Variants in ZBTB20 observed in about 807,000 individuals in gnomAD.
ZBTB20 encodes zinc finger and BTB domain containing 20, also known as zinc finger and BTB domain-containing protein 20.
ZBTB20 carries 9 observed loss-of-function variants against 56.9 expected under a neutral mutation model. The observed-to-expected ratio is 0.16, with a 90% CI of 0.10 to 0.28. The LOEUF (loss-of-function observed/expected upper bound fraction) is 0.28. Ranked by LOEUF, ZBTB20 falls within the 10% of genes least tolerant of loss-of-function variation. The probability of loss-of-function intolerance (pLI) is 1.00; values close to 1 mark genes in which losing one functional copy is unlikely to be tolerated. For missense variants in ZBTB20, 655 were observed against 1,003.0 expected (o/e 0.65, Z 4.69); for synonymous variants, 417 against 420.7 (o/e 0.99, Z 0.11).
chr3:114,417,226 T>A (rs982410092), intron 7 of ZBTB20, among the ~76,000 whole-genome samples: 4 of 152,108 alleles, frequency 2.6e-5, no homozygotes, highest in Admixed American at 2.6e-4. Context: ...TAGTTCATAA[T>A]ATGGCCTAAT....
At chr3:114,703,780 G>A (rs2063540554) in intron 5 of ZBTB20, among the ~76,000 whole-genome samples, 1 of 152,154 alleles carries the variant, frequency 6.6e-6, no homozygotes, top group African/African-American at 2.4e-5. Context: ...TTTAGCCTGA[G>A]ATATCTCCTT....
intron 3 of ZBTB20, among the ~76,000 whole-genome samples, chr3:114,944,702 A>G (rs1449617367): frequency 2.1e-5 from 3 of 145,770 alleles, no homozygotes; most frequent in Non-Finnish European, 4.4e-5. Flanking sequence ...CCTGGAAGAT[A>G]CTATGTTATG....
At chr3:114,395,935 T>C (rs538584628) in intron 7 of ZBTB20, among the ~76,000 whole-genome samples, 1 of 152,230 alleles carries the variant, frequency 6.6e-6, no homozygotes, top group East Asian at 1.9e-4. Context: ...GCCATGAGCG[T>C]TAGCATTATC....
intron 4 of ZBTB20, among the ~76,000 whole-genome samples, chr3:114,803,639 T>C (rs1244432518): frequency 6.6e-6 from 1 of 151,892 alleles, no homozygotes. Flanking sequence ...CACTATATAG[T>C]GGGGTTATCA....
intron 4 of ZBTB20, among the ~76,000 whole-genome samples, chr3:114,818,809 CTGTTTTGGAAATTATAGTCAATGAAAT>C (rs2073089073): frequency 6.6e-6 from 1 of 151,796 alleles, no homozygotes; most frequent in Non-Finnish European, 1.5e-5. Context: ...GATTACTTAA[CTGTTTTGGAAATTATAGTCAATGAAAT>C]AGGATATTAA....
intron 1 of ZBTB20, among the ~76,000 whole-genome samples, chr3:115,124,345 T>C (rs572589740): frequency 5.3e-5 from 8 of 152,298 alleles, no homozygotes; most frequent in Middle Eastern, 3.4e-3. Flanking sequence ...TTCCTTTTTA[T>C]CCCACAGGTT....
At chr3:114,798,044 CT>C (rs1330606763) in intron 5 of ZBTB20, among the ~76,000 whole-genome samples, 2 of 151,250 alleles carry the variant, frequency 1.3e-5, no homozygotes, top group East Asian at 3.9e-4. Flanking sequence ...AAGCTTATTT[CT>C]TTTTTTTTCT....
intron 1 of ZBTB20, among the ~76,000 whole-genome samples, chr3:115,095,440 T>C (rs1360001281): frequency 1.3e-5 from 2 of 152,160 alleles, no homozygotes; most frequent in African/African-American, 2.4e-5. Context: ...ACTATAGAAT[T>C]ACCAAAAGGC....
chr3:114,886,056 G>A (rs1451373811), intron 4 of ZBTB20, among the ~76,000 whole-genome samples: 1 of 152,164 alleles, frequency 6.6e-6, no homozygotes, highest in African/African-American at 2.4e-5. Context: ...TTTAGGAATG[G>A]TTTACTTCAC....
chr3:114,639,676 A>G (rs2107902688), intron 6 of ZBTB20, among the ~76,000 whole-genome samples: 1 of 152,180 alleles, frequency 6.6e-6, no homozygotes, highest in African/African-American at 2.4e-5. Context: ...TCTTATATGA[A>G]GAATTTCCAA....
At position 114,606,023 on chromosome 3, in the gene ZBTB20, A is replaced by G. The variant is rs72952589; in HGVS notation, c.-295+87505T>C. Reference sequence around the variant, plus strand: ...TCTGAATGAACAGAAAGAGACAGCCATGAAGAGCTTGGTGAGAACAACGTT... The same window carrying G: ...TCTGAATGAACAGAAAGAGACAGCCGTGAAGAGCTTGGTGAGAACAACGTT... On this transcript the variant is annotated intron_variant, in intron 6 of 11. Transcript: ENST00000675478. 1.2e-3 allele frequency among the ~76,000 whole-genome samples: 179 copies of G among 152,326 alleles called. 1 individual carries two copies. The highest frequency in any genetic ancestry group is 4.2e-3 in the African/African-American group (173 of 41,580).
intron 4 of ZBTB20, among the ~76,000 whole-genome samples, chr3:114,858,914 A>G (rs1197088701): frequency 1.3e-5 from 2 of 152,136 alleles, no homozygotes; most frequent in Non-Finnish European, 1.5e-5. Flanking sequence ...TATTAACTAC[A>G]TATTGCAGGT....
chr3:114,596,183 T>C lies in ZBTB20; in HGVS notation c.-294-95792A>G, dbSNP rs145811746. 2.1e-3 allele frequency among the ~76,000 whole-genome samples: 326 copies of C among 152,240 alleles called. 5 individuals are homozygous for C. Among genetic ancestry groups the C allele is most frequent in the Middle Eastern group, 0.01 (3 of 294 alleles). ...TAGAGCCATATATATATTTCTACTATAAAACAGCAACAACAATTTTGGCCC... is the reference window on the plus strand; with the variant it reads ...TAGAGCCATATATATATTTCTACTACAAAACAGCAACAACAATTTTGGCCC... On this transcript the variant is annotated intron_variant, in intron 6 of 11. Transcript: ENST00000675478.
At chr3:114,967,607 G>T (rs1174215548) in intron 3 of ZBTB20, among the ~76,000 whole-genome samples, 1 of 152,084 alleles carries the variant, frequency 6.6e-6, no homozygotes, top group Non-Finnish European at 1.5e-5. Flanking sequence ...AAAAAGGGGG[G>T]AAAGCCTAGA....
intron 1 of ZBTB20, among the ~76,000 whole-genome samples, chr3:115,072,736 T>C (rs978504382): frequency 6.6e-6 from 1 of 152,174 alleles, no homozygotes. Context: ...TCTCCACTAC[T>C]GTTCCAAAAA....
chr3:114,369,575 G>A (rs1294073365), intron 10 of ZBTB20, among the ~76,000 whole-genome samples: 3 of 152,192 alleles, frequency 2.0e-5, no homozygotes, highest in African/African-American at 7.2e-5. Flanking sequence ...CCATCCTACA[G>A]TAGAAGTATA....
intron 1 of ZBTB20, among the ~76,000 whole-genome samples, chr3:115,083,071 A>T (rs1331538989): frequency 6.6e-6 from 1 of 152,096 alleles, no homozygotes; most frequent in Non-Finnish European, 1.5e-5. Context: ...TGGAAACTCA[A>T]GGTAAATGCA....
At chr3:114,773,515 G>C (rs780499565) in intron 5 of ZBTB20, among the ~76,000 whole-genome samples, 2 of 151,966 alleles carry the variant, frequency 1.3e-5, no homozygotes, top group Admixed American at 1.3e-4. Context: ...AAAATACCTC[G>C]AGACTAAAGG....
chr3:114,747,951 C>A (rs11710687), intron 5 of ZBTB20, among the ~76,000 whole-genome samples: 1,869 of 2,314 alleles, frequency 0.81, 727 homozygotes, highest in Middle Eastern at 1. Flanking sequence ...AAAAAAAAAA[C>A]CAAGATTGAG....
Sources: allele counts gnomAD v4.1 joint callset (sites outside exome capture counted in the v4.1 genomes callset), GRCh38; gene constraint gnomAD v4.1.1; transcripts MANE v1.5; gene names NCBI Gene and HGNC (gene_info 2026-07-23, HGNC 2026-07-21).